The following MSI1 variants were observed in gnomAD, a reference collection of about 807,000 sequenced individuals.
The protein encoded by MSI1 is musashi RNA binding protein 1, also known as RNA-binding protein Musashi homolog 1.
Under a neutral mutation model 54.4 loss-of-function variants are expected in MSI1, and 15 were observed. The observed-to-expected ratio is 0.28, with a 90% CI of 0.18 to 0.42. The LOEUF is 0.42. Among genes scored for constraint, MSI1 ranks in the 20% least tolerant of loss-of-function variants. The pLI is 1.00. For missense variants in MSI1, 304 were observed against 506.0 expected, an observed-to-expected ratio of 0.60 and a Z score of 3.83; for synonymous variants, 200 against 196.5, an observed-to-expected ratio of 1.02 and a Z score of -0.15.
chr12:120,351,241 G>C, intron 11 of MSI1, 103 bp downstream of exon 11: 1 of 1,114,462 alleles, frequency 9.0e-7, no homozygotes, highest in Non-Finnish European at 1.3e-6. Flanking sequence ...AGGGCTGGCG[G>C]GCAGGAGAAA....
downstream of MSI1, among the ~76,000 whole-genome samples, chr12:120,339,787 T>C (rs1873607404): frequency 6.7e-6 from 1 of 148,612 alleles, no homozygotes; most frequent in Admixed American, 6.8e-5. Flanking sequence ...AAGTAATTCT[T>C]TTTTTTTTTG....
intron 9 of MSI1, 111 bp downstream of exon 9, chr12:120,356,791 C>G: frequency 1.1e-6 from 1 of 952,118 alleles, no homozygotes; most frequent in South Asian, 1.4e-5. Flanking sequence ...TGCTCAATGA[C>G]TCAGACAGGA....
intron 6 of MSI1, 31 bp downstream of exon 6, chr12:120,363,012 C>G (rs775233279): frequency 6.3e-7 from 1 of 1,582,676 alleles, no homozygotes; most frequent in Non-Finnish European, 8.7e-7. Flanking sequence ...GTTCACAGCC[C>G]CAGCAGCAAG....
At chr12:120,361,228 A>T (rs1194517170) in intron 6 of MSI1, among the ~76,000 whole-genome samples, 1 of 151,544 alleles carries the variant, frequency 6.6e-6, no homozygotes, top group East Asian at 1.9e-4. Context: ...TGAATGAATG[A>T]ATGAATGAAT....
intron 13 of MSI1, 42 bp from the exon 14 acceptor site, chr12:120,345,674 G>A (rs773729884): frequency 2.5e-6 from 4 of 1,610,196 alleles, no homozygotes; most frequent in Non-Finnish European, 3.4e-6. Context: ...CTGGGAAATA[G>A]AGGAAGATCA....
At chr12:120,355,030 CAAAAAA>C (rs71076610) in intron 9 of MSI1, among the ~76,000 whole-genome samples, 4 of 44,114 alleles carry the variant, frequency 9.1e-5, no homozygotes, top group Admixed American at 3.4e-4. Context: ...CCGTCTCTAC[CAAAAAA>C]AAAAAAAAAA....
At chr12:120,358,215 G>A (rs1289024208) in intron 7 of MSI1, among the ~76,000 whole-genome samples, 2 of 152,196 alleles carry the variant, frequency 1.3e-5, no homozygotes, top group East Asian at 3.8e-4. Flanking sequence ...TCCAAAGAGG[G>A]AAGAAGGAAC....
chr12:120,356,964 C>G lies in MSI1; in HGVS notation c.590G>C (p.Arg197Pro), dbSNP rs555207756. 7 of 1,614,146 alleles carry G rather than the reference C, an allele frequency of 4.3e-6. No individual in the cohort carries two copies. The highest frequency in any genetic ancestry group is 2.7e-5 in the African/African-American group (2 of 74,958). ...GTAGGGCATGACTCGAGACCTCCCC[C>G]GGGCTGAGCCCGTTGGCGACATCAC... ...KEVMSPTGSA[R>P]GRSRVMPYGM... is the part of the protein sequence containing the mutation. Residue 197 changes from arginine (R) to proline (P), a missense_variant, in exon 9 of 15, where the codon CGG becomes CCG. Coordinates refer to ENST00000257552, the MANE Select transcript of MSI1 (RefSeq NM_002442.4).
chr12:120,362,975 G>T, intron 6 of MSI1, 68 bp downstream of exon 6: 1 of 1,330,326 alleles, frequency 7.5e-7, no homozygotes, highest in Non-Finnish European at 1.1e-6. Flanking sequence ...GCTGGATTCG[G>T]CTTGCTAGTG....
At position 120,368,604 on chromosome 12, in the gene MSI1, C is replaced by T. The variant is rs921333687; in HGVS notation, c.100+229G>A. The stretch of plus-strand genomic sequence containing the variant: ...CCGCCGGCGGGTCCCGGGGGCCCAG[C>T]CCACCCCCCGATACCCCCTGAACCC... On this transcript the variant is annotated intron_variant, in intron 2 of 14. Transcript: ENST00000257552. This position sits in a 1 kb window ranked among gnomAD's most constrained non-coding sequence, Gnocchi z 6.6. Among the ~76,000 whole-genome samples, 1 of 151,914 alleles carries T rather than the reference C, an allele frequency of 6.6e-6. No individual in the cohort carries two copies. Among genetic ancestry groups the T allele is most frequent in the Admixed American group, 6.6e-5 (1 of 15,258 alleles).
chr12:120,350,544 T>C (rs1442121397), intron 11 of MSI1, among the ~76,000 whole-genome samples: 2 of 152,122 alleles, frequency 1.3e-5, no homozygotes, highest in African/African-American at 4.8e-5. Flanking sequence ...TAAAGCAGGG[T>C]CCATGCTCAC....
intron 12 of MSI1, among the ~76,000 whole-genome samples, chr12:120,346,763 GC>G (rs1188286907): frequency 1.3e-5 from 2 of 152,152 alleles, no homozygotes; most frequent in Non-Finnish European, 2.9e-5. Context: ...GCCTTTGAAT[GC>G]AAAGTTAAGA....
chr12:120,368,767 G>C lies in MSI1; in HGVS notation c.100+66C>G. On this transcript the variant is annotated intron_variant, in intron 2 of 14. Transcript: ENST00000257552. The surrounding 1 kb of genome is among the most constrained non-coding windows in gnomAD (Gnocchi z 6.6). Reference sequence around the variant, plus strand: ...GGCGCAGGGCCGGGCTGGGGTGTCCGGGTCCGGGGCGCCGGGGGGTCCGGG... The same window carrying C: ...GGCGCAGGGCCGGGCTGGGGTGTCCCGGTCCGGGGCGCCGGGGGGTCCGGG... The C allele has an allele frequency of 1.5e-6, 2 of 1,321,502 alleles. No individual in the cohort carries two copies. Among genetic ancestry groups the C allele is most frequent in the African/African-American group, 1.5e-5 (1 of 64,706 alleles). The allele number at this position is 1,321,502 out of a possible 1,614,324, so 81.9% of individuals were successfully genotyped here. A position where few individuals can be genotyped will look rare whatever the true frequency, so the allele number is the denominator to read the frequency against.
At chr12:120,365,192 C>T (rs986170968) in intron 4 of MSI1, among the ~76,000 whole-genome samples, 1 of 152,274 alleles carries the variant, frequency 6.6e-6, no homozygotes, top group Admixed American at 6.5e-5. Context: ...ATTACAGGCA[C>T]GAGTCACCAC....
At chr12:120,348,638 C>T (rs1188214629) in intron 11 of MSI1, among the ~76,000 whole-genome samples, 1 of 151,650 alleles carries the variant, frequency 6.6e-6, no homozygotes, top group Admixed American at 6.6e-5. Flanking sequence ...GATCCCAGCA[C>T]TTTGGGAGGC....
At chr12:120,340,308 AC>A (rs1873624617), downstream of MSI1, among the ~76,000 whole-genome samples, 1 of 151,838 alleles carries the variant, frequency 6.6e-6, no homozygotes, top group African/African-American at 2.4e-5. Flanking sequence ...GGTTTCGAAC[AC>A]CTGAGCTCAG....
intron 5 of MSI1, among the ~76,000 whole-genome samples, chr12:120,364,287 G>A (rs1419419412): frequency 6.6e-6 from 1 of 152,172 alleles, no homozygotes; most frequent in Non-Finnish European, 1.5e-5. Context: ...TGCAAAGGGT[G>A]ACTGGGGGGA....
Position 120,368,289 on chromosome 12 carries a change from C to T in MSI1, c.101-16G>A. On this transcript the variant is annotated splice_polypyrimidine_tract_variant and intron_variant, in intron 2 of 14. Coordinates refer to ENST00000257552, the MANE Select transcript of MSI1 (RefSeq NM_002442.4). The surrounding 1 kb of genome is among the most constrained non-coding windows in gnomAD (Gnocchi z 6.6). ...CGCAGCCCTTCTGTAACCACACACCCGCCTTCGGACCAGCCCGGGCCCCGC... is the reference window on the plus strand; with the variant it reads ...CGCAGCCCTTCTGTAACCACACACCTGCCTTCGGACCAGCCCGGGCCCCGC... The T allele has an allele frequency of 2.6e-6, 4 of 1,553,416 alleles. No individual in the cohort carries two copies. The highest frequency in any genetic ancestry group is 3.5e-6 in the Non-Finnish European group (4 of 1,148,422).
At chr12:120,362,780 G>A (rs546092961) in intron 6 of MSI1, among the ~76,000 whole-genome samples, 2 of 152,312 alleles carry the variant, frequency 1.3e-5, no homozygotes, top group African/African-American at 4.8e-5. Flanking sequence ...ATGAAGATAA[G>A]TAAGAGAAAA....
Sources: allele counts gnomAD v4.1 joint callset (sites outside exome capture counted in the v4.1 genomes callset), GRCh38; gene constraint gnomAD v4.1.1; non-coding constraint Gnocchi (gnomAD v3.1); transcripts MANE v1.5; gene names NCBI Gene and HGNC (gene_info 2026-07-23, HGNC 2026-07-21).